The following MVK variants were observed in gnomAD, a reference collection of about 807,000 sequenced individuals.
The protein encoded by MVK is LH receptor mRNA-binding protein.
A neutral mutation model predicts 43.2 loss-of-function variants in MVK; 34 were observed. The ratio of observed to expected loss-of-function variants is 0.79; its 90% confidence interval spans 0.60 to 1.05. The LOEUF (loss-of-function observed/expected upper bound fraction) is 1.05, where lower values mean the gene tolerates loss of function less well. Ranked by LOEUF, MVK falls within the 50% of genes least tolerant of loss-of-function variation. The pLI is 0.00. For missense variants in MVK, 395 were observed against 504.0 expected (o/e 0.78, Z 2.07); for synonymous variants, 190 against 219.8 (o/e 0.86, Z 1.20).
At position 109,580,112 on chromosome 12, in the gene MVK, G is replaced by A. The variant is rs188002502; in HGVS notation, c.371+166G>A. ...CCCTGCCAGGCACGGTATATATGGC[G>A]TGCCTTTTTTTTGAGACAGGGTCTC... On this transcript the variant is annotated intron_variant, in intron 4 of 10. Coordinates refer to ENST00000228510, the MANE Select transcript of MVK (RefSeq NM_000431.4). 1.9e-3 allele frequency among the ~76,000 whole-genome samples: 291 copies of A among 152,266 alleles called. 4 individuals are homozygous for A. Among genetic ancestry groups the A allele is most frequent in the African/African-American group, 6.4e-3 (266 of 41,544 alleles).
At chr12:109,591,403 T>A in intron 9 of MVK, 46 bp downstream of exon 9, 1 of 1,560,954 alleles carries the variant, frequency 6.4e-7, no homozygotes, top group Non-Finnish European at 8.8e-7. Flanking sequence ...TCCACACCAC[T>A]GTCCAAGGCA....
chr12:109,575,923 CTCT>C, intron 2 of MVK, 72 bp from the exon 3 acceptor site: 1 of 1,573,744 alleles, frequency 6.4e-7, no homozygotes, highest in Non-Finnish European at 8.7e-7. Context: ...TATGTTTGCT[CTCT>C]TCTTAGCACG....
At chr12:109,579,967 A>G (rs1375144516) in intron 4 of MVK, 21 bp downstream of exon 4, 1 of 1,614,036 alleles carries the variant, frequency 6.2e-7, no homozygotes, top group African/African-American at 1.3e-5. Flanking sequence ...GGTCTGGGGA[A>G]GGAGTCCAGA....
intron 5 of MVK, among the ~76,000 whole-genome samples, chr12:109,585,731 G>A (rs1175456842): frequency 1.3e-5 from 2 of 152,030 alleles, no homozygotes; most frequent in African/African-American, 4.8e-5. Flanking sequence ...CTGCACTCCA[G>A]CCTGGGTGAC....
rs879254114 is a variant in MVK at position 109,586,118 on chromosome 12, C to T, written c.624C>T (p.Ser208=). The part of the protein sequence containing the change: ...GNPSGVDNAV[S]TWGGALRYHQ... ...CCTCCGGAGTGGACAATGCTGTCAGCACCTGGGGTAGGTGTGGCCTCAGGT... is the reference window on the plus strand; with the variant it reads ...CCTCCGGAGTGGACAATGCTGTCAGTACCTGGGGTAGGTGTGGCCTCAGGT... Residue 208 remains serine, a synonymous_variant, in exon 6 of 11, where the codon AGC becomes AGT. Transcript: ENST00000228510. 3.1e-6 allele frequency: 5 copies of T among 1,612,938 alleles called. No individual in the cohort carries two copies. In the African/African-American group the frequency reaches 5.3e-5, roughly 17 times the overall value.
At chr12:109,573,285 C>T, upstream of MVK, 1 of 1,606,148 alleles carries the variant, frequency 6.2e-7, no homozygotes, top group African/African-American at 1.3e-5. Flanking sequence ...GTGACGTACC[C>T]ATGGCGACGA....
At chr12:109,586,672 AC>A in intron 6 of MVK, 81 bp from the exon 7 acceptor site, 1 of 1,520,820 alleles carries the variant, frequency 6.6e-7, no homozygotes, top group Non-Finnish European at 9.1e-7. Flanking sequence ...AATGAACCCA[AC>A]CCAAAGTTCA....
chr12:109,576,888 T>A (rs1451136065), intron 3 of MVK, among the ~76,000 whole-genome samples: 6 of 150,722 alleles, frequency 4.0e-5, no homozygotes, highest in Non-Finnish European at 5.9e-5. Context: ...AAAAAAAAAA[T>A]TTAATAAAAG....
At chr12:109,591,883 T>C (rs1380884423) in intron 9 of MVK, among the ~76,000 whole-genome samples, 2 of 152,184 alleles carry the variant, frequency 1.3e-5, no homozygotes, top group East Asian at 3.8e-4. Flanking sequence ...ACTTTGGGTG[T>C]GATCAGGCCT....
At chr12:109,573,511 G>A (rs778888719), upstream of MVK, 49 of 1,580,970 alleles carry the variant, frequency 3.1e-5, no homozygotes, top group Non-Finnish European at 3.9e-5. Flanking sequence ...ACCTGACCCC[G>A]CCAGGTTCCC....
chr12:109,580,515 A>C (rs1885171769), intron 4 of MVK, among the ~76,000 whole-genome samples: 2 of 152,184 alleles, frequency 1.3e-5, no homozygotes, highest in African/African-American at 4.8e-5. Flanking sequence ...CTCAGTGGCC[A>C]GGCTCTATGC....
chr12:109,578,104 A>C (rs1259851527), intron 3 of MVK, among the ~76,000 whole-genome samples: 1 of 152,136 alleles, frequency 6.6e-6, no homozygotes. Flanking sequence ...ATCCGACGAC[A>C]CTGGAGGCAG....
At chr12:109,582,725 A>C (rs1885273623) in intron 5 of MVK, among the ~76,000 whole-genome samples, 1 of 150,340 alleles carries the variant, frequency 6.7e-6, no homozygotes, top group African/African-American at 2.5e-5. Flanking sequence ...TGTGTAGAGC[A>C]GGAGGAAGAC....
intron 5 of MVK, among the ~76,000 whole-genome samples, chr12:109,582,877 G>A (rs982394067): frequency 1.3e-5 from 2 of 152,066 alleles, no homozygotes; most frequent in Admixed American, 1.3e-4. Flanking sequence ...TGTGGTTCCA[G>A]TGCTGCACAA....
intron 7 of MVK, chr12:109,590,243 G>T (rs1245686891): frequency 4.9e-6 from 1 of 204,088 alleles, no homozygotes; most frequent in Non-Finnish European, 1.0e-5. Context: ...CCAGCTTCGT[G>T]GGGGTGACCC....
In MVK at chr12:109,597,837, T is replaced by C. The variant is rs1165139029; in HGVS notation, c.*1260T>C. On this transcript the variant is annotated 3_prime_UTR_variant, in exon 11 of 11. Coordinates refer to ENST00000228510, the MANE Select transcript of MVK (RefSeq NM_000431.4). Reference sequence around the variant, plus strand: ...GGGGGCCGGCGCAGGGATTTCAGGATGAGGTGAAAGCGATTCAGTGCGCGT... The same window carrying C: ...GGGGGCCGGCGCAGGGATTTCAGGACGAGGTGAAAGCGATTCAGTGCGCGT... 6.6e-6 allele frequency: 1 copy of C among 152,110 alleles called. No individual in the cohort carries two copies. Among genetic ancestry groups the C allele is most frequent in the Non-Finnish European group, 1.5e-5 (1 of 68,056 alleles). 9.4% of individuals were successfully genotyped at this position (152,110 alleles called of 1,614,324 possible). A position where few individuals can be genotyped will look rare whatever the true frequency, so the allele number is the denominator to read the frequency against.
At chr12:109,573,572 GT>G (rs1884761709), upstream of MVK, 9 of 1,459,964 alleles carry the variant, frequency 6.2e-6, no homozygotes. Context: ...CACCGCTCAG[GT>G]TTCAATTTTT....
intron 7 of MVK, chr12:109,590,466 C>G (rs1269152187): frequency 4.5e-6 from 2 of 448,050 alleles, no homozygotes; most frequent in Non-Finnish European, 8.3e-6. Flanking sequence ...CGGCCCTTCT[C>G]CCCTATCCCC....
At chr12:109,577,921 C>T (rs1462034316) in intron 3 of MVK, among the ~76,000 whole-genome samples, 1 of 152,224 alleles carries the variant, frequency 6.6e-6, no homozygotes, top group Non-Finnish European at 1.5e-5. Context: ...CCAGAAATGT[C>T]TCCTGAGAAC....
Sources: gnomAD v4.1 joint callset for allele counts (sites outside exome capture counted in the v4.1 genomes callset) on GRCh38, gnomAD v4.1.1 for gene constraint, MANE v1.5 for transcripts, NCBI Gene and HGNC (gene_info 2026-07-23, HGNC 2026-07-21) for gene names.